The following SLC25A20 variants were observed in gnomAD, a reference collection of about 807,000 sequenced individuals.
SLC25A20 encodes solute carrier family 25 member 20, also known as mitochondrial carnitine/acylcarnitine carrier protein.
SLC25A20 carries 29 observed loss-of-function variants against 39.7 expected under a neutral mutation model. The observed-to-expected ratio is 0.73, with a 90% confidence interval of 0.54 to 1.00. The LOEUF is 1.00. Ranked by LOEUF, SLC25A20 falls within the 50% of genes least tolerant of loss-of-function variation. The pLI is 0.00. For synonymous variants in SLC25A20, 103 were observed against 142.2 expected (o/e 0.72, Z 1.96); for missense variants, 333 against 379.9 (o/e 0.88, Z 1.03).
At chr3:48,885,266 A>G (rs1039428425) in intron 2 of SLC25A20, among the ~76,000 whole-genome samples, 5 of 151,750 alleles carry the variant, frequency 3.3e-5, no homozygotes, top group African/African-American at 1.2e-4. Context: ...GTGAGACCCC[A>G]TCTCTAGAAA....
At chr3:48,895,903 G>GC (rs1194023861) in intron 1 of SLC25A20, 2 of 407,698 alleles carry the variant, frequency 4.9e-6, no homozygotes, top group Admixed American at 5.2e-5. Flanking sequence ...ACTTCAGGAG[G>GC]CCAAGGCCGG....
intron 2 of SLC25A20, among the ~76,000 whole-genome samples, chr3:48,886,299 C>T (rs1278970291): frequency 1.3e-5 from 2 of 151,944 alleles, no homozygotes; most frequent in Non-Finnish European, 2.9e-5. Flanking sequence ...CCAAGGCGGG[C>T]GGATCACCTG....
intron 5 of SLC25A20, among the ~76,000 whole-genome samples, chr3:48,861,669 G>T (rs2083628800): frequency 6.6e-6 from 1 of 152,144 alleles, no homozygotes; most frequent in Non-Finnish European, 1.5e-5. Flanking sequence ...GGAGGTTGCA[G>T]TGAGCTGAGA....
chr3:48,862,626 C>G lies in SLC25A20; in HGVS notation c.451G>C (p.Gly151Arg). Residue 151 changes from glycine (G) to arginine (R), a missense_variant, in exon 5 of 9, where the codon GGT becomes CGT. By Grantham distance (125) the Gly-to-Arg change is moderately radical. Coordinates refer to ENST00000319017, the MANE Select transcript of SLC25A20 (RefSeq NM_000387.6). ...AGCTTCTTTGCACAGTCCAAGGTAC[C>G]AGTGTACTTGCTTTCTCCTGAAGAA... ...QASSGESKYT[G>R]TLDCAKKLYQ... is the part of the protein sequence containing the mutation. 1 of 1,613,918 alleles carries G rather than the reference C, an allele frequency of 6.2e-7. No homozygotes were observed. Among genetic ancestry groups the G allele is most frequent in the Admixed American group, 1.7e-5 (1 of 59,988 alleles).
At chr3:48,869,857 C>T (rs2083701418) in intron 4 of SLC25A20, among the ~76,000 whole-genome samples, 1 of 151,902 alleles carries the variant, frequency 6.6e-6, no homozygotes, top group African/African-American at 2.4e-5. Context: ...GTGGCTCATA[C>T]CTGTAATTCT....
chr3:48,863,990 G>C (rs966767086), intron 4 of SLC25A20, among the ~76,000 whole-genome samples: 1 of 151,634 alleles, frequency 6.6e-6, no homozygotes, highest in Admixed American at 6.6e-5. Flanking sequence ...ACACCAGCCT[G>C]GGAGACAGAG....
At chr3:48,873,269 T>A (rs1363741199) in intron 4 of SLC25A20, among the ~76,000 whole-genome samples, 1 of 150,172 alleles carries the variant, frequency 6.7e-6, no homozygotes. Context: ...CCTGTAGTCC[T>A]ACCACTTTGG....
chr3:48,865,772 C>CAAAA (rs1202666164), intron 4 of SLC25A20, among the ~76,000 whole-genome samples: 1 of 78,058 alleles, frequency 1.3e-5, no homozygotes, highest in East Asian at 3.5e-4. Context: ...CTGTCTCAAA[C>CAAAA]AAAAAAAAAA....
rs371250509 is a variant in SLC25A20 at position 48,892,068 on chromosome 3, C to T, written c.110G>A (p.Arg37Gln). 13 of 1,613,542 alleles carry T rather than the reference C, an allele frequency of 8.1e-6. No individual in the cohort carries two copies. In the African/African-American group the frequency reaches 1.2e-4, roughly 15 times the overall value. ...VGHPLDTVKV[R>Q]LQTQPPSLPG... ...CAAACTCGGTGGCTGTGTCTGCAGT[C>T]GGACCTGAAAACAGAAGTTAAAATG... The change falls in exon 2 of 9, where the codon CGA becomes CAA. Residue 37 changes from arginine to glutamine, a missense_variant. Coordinates refer to ENST00000319017, the MANE Select transcript of SLC25A20 (RefSeq NM_000387.6).
intron 4 of SLC25A20, 58 bp downstream of exon 4, chr3:48,879,300 G>T: frequency 1.6e-6 from 2 of 1,255,900 alleles, no homozygotes; most frequent in Non-Finnish European, 2.3e-6. Flanking sequence ...ACATAAACAT[G>T]CACACGAAAT....
intron 2 of SLC25A20, among the ~76,000 whole-genome samples, chr3:48,884,646 G>A (rs1025395644): frequency 7.2e-5 from 11 of 152,158 alleles, no homozygotes; most frequent in Non-Finnish European, 1.0e-4. Context: ...CACTGCACCC[G>A]GCCAGCAATC....
rs554259250 is a variant in SLC25A20 at position 48,866,141 on chromosome 3, G to GA, written c.418-3483dup. Among the ~76,000 whole-genome samples, 293 of 146,188 alleles carry GA rather than the reference G, an allele frequency of 2.0e-3. 8 individuals carry two copies. In the South Asian group the frequency reaches 0.055, roughly 28 times the overall value. On this transcript the variant is annotated intron_variant, in intron 4 of 8. Transcript: ENST00000319017. ...GAGCGAGACTCTGTCTCAAAAAAAGGAAAAAAAAAAGTCACTAGTGACCTT... is the reference window on the plus strand; with the variant it reads ...GAGCGAGACTCTGTCTCAAAAAAAGGAAAAAAAAAAAGTCACTAGTGACCTT...
At chr3:48,879,869 G>A (rs1218287994) in intron 3 of SLC25A20, among the ~76,000 whole-genome samples, 1 of 152,060 alleles carries the variant, frequency 6.6e-6, no homozygotes, top group Non-Finnish European at 1.5e-5. Context: ...TCTAACCCAG[G>A]ATCTGGACTT....
rs2083724759 is a variant in SLC25A20 at position 48,872,550 on chromosome 3, CAT to C, written c.417+6806_417+6807del. ...AAAAAAAGAACTCTGTCCTACTACT[CAT>C]ATATTATACAAAAATTGGTCAGGCG... On this transcript the variant is annotated intron_variant, in intron 4 of 8. Transcript: ENST00000319017. Among the ~76,000 whole-genome samples the C allele has an allele frequency of 2.6e-5, 4 of 151,584 alleles. No individual in the cohort carries two copies. The South Asian group carries it at 8.5e-4, about 32-fold the overall frequency.
intron 3 of SLC25A20, among the ~76,000 whole-genome samples, chr3:48,883,353 G>C (rs1266127445): frequency 1.3e-5 from 2 of 151,964 alleles, no homozygotes; most frequent in African/African-American, 2.4e-5. Flanking sequence ...AGGAGATCGT[G>C]ACCAGCCTAA....
chr3:48,859,589 A>G lies in SLC25A20; in HGVS notation c.574T>C (p.Trp192Arg). The stretch of plus-strand genomic sequence containing the variant: ...TCCGGAGTGAAGATATTTTTCAGCC[A>G]TTCATATGTCATGAAATACATTCCA... ...ASGMYFMTYE[W>R]LKNIFTPEGK... The change falls in exon 6 of 9, where the codon TGG (tryptophan) becomes CGG (arginine). Residue 192 changes from tryptophan (W) to arginine (R), a missense_variant. Trp to Arg is a moderately radical substitution (Grantham distance 101). Coordinates refer to ENST00000319017, the MANE Select transcript of SLC25A20 (RefSeq NM_000387.6). 2 of 1,614,070 alleles carry G rather than the reference A, an allele frequency of 1.2e-6. No individual in the cohort carries two copies. Among genetic ancestry groups the G allele is most frequent in the Non-Finnish European group, 1.7e-6 (2 of 1,179,924 alleles).
At chr3:48,889,352 T>C (rs1204351220) in intron 2 of SLC25A20, among the ~76,000 whole-genome samples, 1 of 151,720 alleles carries the variant, frequency 6.6e-6, no homozygotes, top group Non-Finnish European at 1.5e-5. Context: ...TTCATGCCAC[T>C]GTAGTCAAGC....
At chr3:48,898,544 C>T (rs2106672270) in intron 1 of SLC25A20, 146 bp downstream of exon 1, 8 of 822,850 alleles carry the variant, frequency 9.7e-6, no homozygotes, top group South Asian at 8.8e-5. Context: ...GCTTCCTGCC[C>T]ACCCCTGAAA....
At chr3:48,868,298 A>G (rs1423275098) in intron 4 of SLC25A20, among the ~76,000 whole-genome samples, 1 of 151,980 alleles carries the variant, frequency 6.6e-6, no homozygotes, top group Non-Finnish European at 1.5e-5. Context: ...CTGATGTAGG[A>G]GTAGAAAAGG....
Sources: gnomAD v4.1 joint callset for allele counts (sites outside exome capture counted in the v4.1 genomes callset) on GRCh38, gnomAD v4.1.1 for gene constraint, MANE v1.5 for transcripts, NCBI Gene and HGNC (gene_info 2026-07-23, HGNC 2026-07-21) for gene names.